The following NOS1AP variants were observed in gnomAD, a reference collection of about 807,000 sequenced individuals.
The protein encoded by NOS1AP is nitric oxide synthase 1 adaptor protein, also known as carboxyl-terminal PDZ ligand of neuronal nitric oxide synthase protein.
In NOS1AP, 21 loss-of-function variants were observed where a neutral mutation model predicts 56.2. The observed-to-expected ratio is 0.37, with a 90% CI of 0.26 to 0.54. The LOEUF is 0.54. Ranked by LOEUF, NOS1AP falls within the 20% of genes least tolerant of loss-of-function variation. The probability of loss-of-function intolerance (pLI) is 0.84; values close to 1 mark genes in which losing one functional copy is unlikely to be tolerated. For synonymous variants in NOS1AP, 270 were observed against 274.6 expected, an observed-to-expected ratio of 0.98 and a Z score of 0.17; for missense variants, 522 against 657.8, an observed-to-expected ratio of 0.79 and a Z score of 2.26.
chr1:162,210,040 T>A (rs1652294517), intron 2 of NOS1AP, among the ~76,000 whole-genome samples: 1 of 152,150 alleles, frequency 6.6e-6, no homozygotes. Context: ...TGTATATATT[T>A]TTGTTAATTT....
chr1:162,137,107 T>C (rs1437449789), intron 1 of NOS1AP, among the ~76,000 whole-genome samples: 4 of 152,228 alleles, frequency 2.6e-5, no homozygotes, highest in African/African-American at 9.7e-5. Context: ...TTGGAGTTGA[T>C]CTTCGTTTGC....
At chr1:162,276,168 G>C (rs1208402693) in intron 2 of NOS1AP, among the ~76,000 whole-genome samples, 1 of 152,198 alleles carries the variant, frequency 6.6e-6, no homozygotes, top group African/African-American at 2.4e-5. Context: ...TACTGGGGAT[G>C]AGTTGGGTTA....
intron 1 of NOS1AP, among the ~76,000 whole-genome samples, chr1:162,121,889 C>A (rs1370065671): frequency 6.6e-6 from 1 of 152,094 alleles, no homozygotes; most frequent in African/African-American, 2.4e-5. Flanking sequence ...TGAATGTTCG[C>A]AGTTGGGGCG....
Position 162,365,426 on chromosome 1 carries a change from TGGCTGCTGA to T in NOS1AP, c.969_977del (p.Glu324_Ala326del). The T allele has an allele frequency of 6.2e-7, 1 of 1,614,170 alleles. No homozygotes were observed. Among genetic ancestry groups the T allele is most frequent in the Non-Finnish European group, 8.5e-7 (1 of 1,180,040 alleles). On this transcript the variant is annotated inframe_deletion, in exon 9 of 10. Transcript: ENST00000361897. ...CAGGTACACTTGCTGAAGGACCAGT[TGGCTGCTGA>T]GGCTGCGGCGCGGCTGGAGGCCCAG...
At chr1:162,213,239 C>G (rs1652432694) in intron 2 of NOS1AP, among the ~76,000 whole-genome samples, 1 of 152,186 alleles carries the variant, frequency 6.6e-6, no homozygotes, top group Admixed American at 6.5e-5. Context: ...TTAAATACCC[C>G]AGCAACTCTC....
At chr1:162,088,900 A>C (rs1218467853) in intron 1 of NOS1AP, among the ~76,000 whole-genome samples, 1 of 152,120 alleles carries the variant, frequency 6.6e-6, no homozygotes, top group Admixed American at 6.5e-5. Context: ...TGAATTTATG[A>C]ATACATACAA....
At position 162,332,775 on chromosome 1, in the gene NOS1AP, G is replaced by A. The variant is rs56178763; in HGVS notation, c.345-242G>A. 0.051 allele frequency among the ~76,000 whole-genome samples: 7,777 copies of A among 152,266 alleles called. 276 individuals carry two copies. Among genetic ancestry groups the A allele is most frequent in the Non-Finnish European group, 0.079 (5,342 of 68,008 alleles). On this transcript the variant is annotated intron_variant, in intron 4 of 9. Coordinates refer to ENST00000361897, the MANE Select transcript of NOS1AP (RefSeq NM_014697.3). Reference sequence around the variant, plus strand: ...ACCTCAGGAGATGGTTAACAATAGTGTCGGTTCCATGTCCTACCCCTGCCC... The same window carrying A: ...ACCTCAGGAGATGGTTAACAATAGTATCGGTTCCATGTCCTACCCCTGCCC...
chr1:162,316,427 C>G (rs2101773473), intron 4 of NOS1AP, among the ~76,000 whole-genome samples: 1 of 152,348 alleles, frequency 6.6e-6, no homozygotes, highest in East Asian at 1.9e-4. Context: ...CCTCCTTCCT[C>G]TGGTTGGCCG....
chr1:162,343,837 C>T lies in NOS1AP; in HGVS notation c.456C>T (p.Ser152=), dbSNP rs958090782. ...TTCTTCTCCTTTCTCCTTCCCAGAG[C>T]CAAGCTATGAGAATCGTTCGGACGG... is the stretch of plus-strand genomic sequence containing the variant. The part of the protein sequence containing the change: ...RCNVFKSKKK[S]QAMRIVRTVG... Residue 152 remains serine (S), a splice_region_variant and synonymous_variant, in exon 6 of 10, where the codon AGC becomes AGT. Transcript: ENST00000361897. 1.2e-5 allele frequency: 19 copies of T among 1,614,074 alleles called. No homozygotes were observed. The highest frequency in any genetic ancestry group is 1.7e-5 in the Admixed American group (1 of 60,006).
At chr1:162,250,758 C>G (rs1653822966) in intron 2 of NOS1AP, among the ~76,000 whole-genome samples, 1 of 152,194 alleles carries the variant, frequency 6.6e-6, no homozygotes, top group Non-Finnish European at 1.5e-5. Context: ...CAGATTCCCC[C>G]TGGCATGCGA....
chr1:162,324,210 C>G (rs1656508221), intron 4 of NOS1AP, among the ~76,000 whole-genome samples: 1 of 152,010 alleles, frequency 6.6e-6, no homozygotes, highest in African/African-American at 2.4e-5. Flanking sequence ...TTTAAGCCCC[C>G]CAAATGTGAA....
intron 2 of NOS1AP, among the ~76,000 whole-genome samples, chr1:162,263,818 A>G (rs543532541): frequency 1.3e-5 from 2 of 152,300 alleles, no homozygotes; most frequent in South Asian, 4.1e-4. Flanking sequence ...ACCTTACTCC[A>G]TAAATCTGAT....
At chr1:162,114,294 G>A (rs10918690) in intron 1 of NOS1AP, among the ~76,000 whole-genome samples, 4,643 of 152,232 alleles carry the variant, frequency 0.03, 230 homozygotes, top group African/African-American at 0.1. Flanking sequence ...TTATGTCTCT[G>A]TGGGAGCCGT....
chr1:162,234,983 G>A (rs1310142862), intron 2 of NOS1AP, among the ~76,000 whole-genome samples: 1 of 152,146 alleles, frequency 6.6e-6, no homozygotes, highest in Non-Finnish European at 1.5e-5. Context: ...AGTTCCCTGG[G>A]CTGAGTTTGC....
At position 162,367,117 on chromosome 1, in the gene NOS1AP, C is replaced by A; in HGVS notation, c.1171C>A (p.Pro391Thr). 6.2e-7 allele frequency: 1 copy of A among 1,613,884 alleles called. No homozygotes were observed. Among genetic ancestry groups the A allele is most frequent in the Non-Finnish European group, 8.5e-7 (1 of 1,180,008 alleles). Residue 391 changes from proline to threonine, a missense_variant, in exon 10 of 10, where the codon CCC (proline) becomes ACC (threonine). Pro to Thr is a conservative substitution (Grantham distance 38). Around this residue, in one of 4 missense-constraint regions of NOS1AP, gnomAD observed 160 missense variants for 180.3 expected, o/e 0.89. Coordinates refer to ENST00000361897, the MANE Select transcript of NOS1AP (RefSeq NM_014697.3). The surrounding 1 kb of genome is among the most constrained non-coding windows in gnomAD (Gnocchi z 6.5). ...CGGAGCCCTGCCCGTGCTCTGTGAC[C>A]CCACGACCCCTAAGCCAGAGGACCT... ...RSGALPVLCD[P>T]TTPKPEDLHS...
At chr1:162,300,357 A>G (rs1424532085) in intron 3 of NOS1AP, among the ~76,000 whole-genome samples, 1 of 152,060 alleles carries the variant, frequency 6.6e-6, no homozygotes, top group Non-Finnish European at 1.5e-5. Flanking sequence ...GGAGCTTCAC[A>G]TTACGTCCCC....
At chr1:162,233,730 T>C (rs968216353) in intron 2 of NOS1AP, among the ~76,000 whole-genome samples, 1 of 152,218 alleles carries the variant, frequency 6.6e-6, no homozygotes, top group African/African-American at 2.4e-5. Context: ...TGCAAGGCAG[T>C]GTTTTGAACT....
Position 162,203,005 on chromosome 1 carries a change from G to T in NOS1AP, c.177+48529G>T, listed in dbSNP as rs531022995. 1.2e-4 allele frequency among the ~76,000 whole-genome samples: 18 copies of T among 152,248 alleles called. No individual in the cohort carries two copies. In the South Asian group the frequency reaches 3.7e-3, roughly 32 times the overall value. ...TTTGGCAGCCTTTTTTGGTGATTGT[G>T]TGTGTCGGCGGGAGGGGTGTGCTGT... On this transcript the variant is annotated intron_variant, in intron 2 of 9. Transcript: ENST00000361897.
At chr1:162,292,424 T>A (rs1655307850) in intron 3 of NOS1AP, among the ~76,000 whole-genome samples, 1 of 152,356 alleles carries the variant, frequency 6.6e-6, no homozygotes, top group African/African-American at 2.4e-5. Context: ...GAGTACCTGC[T>A]ATTGCCCAGG....
Sources: gnomAD v4.1 joint callset for allele counts (sites outside exome capture counted in the v4.1 genomes callset) on GRCh38, gnomAD v4.1.1 for gene constraint, gnomAD v4.1.1 regional missense constraint, Gnocchi (gnomAD v3.1) non-coding constraint, MANE v1.5 for transcripts, NCBI Gene and HGNC (gene_info 2026-07-23, HGNC 2026-07-21) for gene names.